The following GPHN variants were observed in gnomAD, a reference collection of about 807,000 sequenced individuals.
GPHN encodes the protein gephyrin.
A neutral mutation model predicts 95.5 loss-of-function variants in GPHN; 17 were observed. The ratio of observed to expected loss-of-function variants is 0.18; its 90% CI spans 0.12 to 0.27. The LOEUF (loss-of-function observed/expected upper bound fraction) is 0.27, where lower values mean the gene tolerates loss of function less well. Ranked by LOEUF, GPHN falls within the 10% of genes least tolerant of loss-of-function variation. GPHN has a pLI of 1.00. For synonymous variants in GPHN, 320 were observed against 322.5 expected (o/e 0.99, Z 0.08); for missense variants, 660 against 978.1 (o/e 0.67, Z 4.34).
At chr14:67,697,853 A>G in the GPHN span, among the ~76,000 whole-genome samples, 1 of 152,262 alleles carries the variant, frequency 6.6e-6, no homozygotes. Context: ...TGTAAGCTCC[A>G]CACTCAGAGT....
chr14:66,576,605 A>G (rs1474922352), intron 1 of GPHN, among the ~76,000 whole-genome samples: 1 of 152,140 alleles, frequency 6.6e-6, no homozygotes, highest in Non-Finnish European at 1.5e-5. Context: ...TTAAAAATTT[A>G]TGGCAAGCAT....
the GPHN span, among the ~76,000 whole-genome samples, chr14:67,502,246 AC>A: frequency 8.6e-5 from 13 of 151,652 alleles, no homozygotes; most frequent in African/African-American, 2.9e-4. Flanking sequence ...CAGGAGAATC[AC>A]TTGAACCTGG....
At chr14:66,726,061 G>C (rs1378441857) in intron 2 of GPHN, among the ~76,000 whole-genome samples, 1 of 152,280 alleles carries the variant, frequency 6.6e-6, no homozygotes, top group East Asian at 1.9e-4. Context: ...TTGACTGAAA[G>C]AAATATAAGT....
the GPHN span, chr14:67,395,577 T>G: frequency 3.7e-6 from 6 of 1,613,980 alleles, no homozygotes; most frequent in Non-Finnish European, 5.1e-6. Flanking sequence ...TTCAGCTTAA[T>G]GAGGAGCTGT....
chr14:66,952,346 A>G (rs952998028), intron 8 of GPHN, among the ~76,000 whole-genome samples: 1 of 148,980 alleles, frequency 6.7e-6, no homozygotes, highest in African/African-American at 2.6e-5. Context: ...AAGGTTATCC[A>G]TGTTGTAGCA....
chr14:67,408,419 G>C, the GPHN span, among the ~76,000 whole-genome samples: 1 of 152,076 alleles, frequency 6.6e-6, no homozygotes, highest in African/African-American at 2.4e-5. Flanking sequence ...CCCCAAAAAA[G>C]ATACACTGAA....
At chr14:67,560,496 A>G in the GPHN span, among the ~76,000 whole-genome samples, 1 of 152,168 alleles carries the variant, frequency 6.6e-6, no homozygotes, top group African/African-American at 2.4e-5. Flanking sequence ...TCCAAACAGA[A>G]ACTCTGTACC....
intron 4 of GPHN, among the ~76,000 whole-genome samples, chr14:66,836,457 G>T (rs1390986859): frequency 6.9e-6 from 1 of 145,074 alleles, no homozygotes; most frequent in Non-Finnish European, 1.5e-5. Context: ...ATGGATTAAA[G>T]ACTTAAATGT....
the GPHN span, among the ~76,000 whole-genome samples, chr14:67,350,951 A>G: frequency 6.6e-6 from 1 of 152,238 alleles, no homozygotes; most frequent in South Asian, 2.1e-4. Context: ...TGAAGGACCT[A>G]TATTATTCCT....
At chr14:67,219,698 C>G in the GPHN span, among the ~76,000 whole-genome samples, 2,785 of 152,180 alleles carry the variant, frequency 0.018, 93 homozygotes, top group African/African-American at 0.062. Flanking sequence ...TAGCAAAAAT[C>G]ATAGAATTTT....
chr14:66,517,091 G>T (rs1298664811), intron 1 of GPHN, among the ~76,000 whole-genome samples: 1 of 121,036 alleles, frequency 8.3e-6, no homozygotes. Context: ...CTGTGCCACT[G>T]TACTCCAGCC....
intron 2 of GPHN, among the ~76,000 whole-genome samples, chr14:66,722,798 A>G (rs377730468): frequency 2.6e-5 from 4 of 152,290 alleles, no homozygotes; most frequent in East Asian, 1.9e-4. Context: ...AATCTGTCCA[A>G]TCTTAGCCAA....
the GPHN span, among the ~76,000 whole-genome samples, chr14:67,449,024 A>G: frequency 1.3e-5 from 2 of 152,176 alleles, no homozygotes; most frequent in African/African-American, 4.8e-5. Context: ...TTGTAGCCCA[A>G]CTTCAGGAGG....
the GPHN span, chr14:67,647,259 A>G: frequency 1.6e-5 from 7 of 431,302 alleles, no homozygotes; most frequent in East Asian, 2.7e-4. Context: ...ATTTTTCTTT[A>G]TCTCCATCTT....
At chr14:67,523,676 C>T in the GPHN span, among the ~76,000 whole-genome samples, 2 of 152,244 alleles carry the variant, frequency 1.3e-5, no homozygotes, top group African/African-American at 2.4e-5. Context: ...AGGTTAAACT[C>T]TGGCTTTGGC....
At chr14:66,867,338 A>C (rs1414903735) in intron 4 of GPHN, among the ~76,000 whole-genome samples, 1 of 152,196 alleles carries the variant, frequency 6.6e-6, no homozygotes, top group Non-Finnish European at 1.5e-5. Flanking sequence ...TTGTAACTAA[A>C]ATAAAAATAA....
the GPHN span, among the ~76,000 whole-genome samples, chr14:67,663,674 AAAATAAAT>A: frequency 6.6e-6 from 1 of 152,186 alleles, no homozygotes; most frequent in African/African-American, 2.4e-5. Context: ...ACTCCATTTC[AAAATAAAT>A]AAATAAATAA....
the GPHN span, chr14:67,577,525 G>T: frequency 1.4e-6 from 1 of 708,862 alleles, no homozygotes; most frequent in South Asian, 1.6e-5. Context: ...GGAAGGGAAG[G>T]AAACTTCCCA....
At chr14:66,840,827 G>T (rs2062045658) in intron 4 of GPHN, among the ~76,000 whole-genome samples, 1 of 150,366 alleles carries the variant, frequency 6.7e-6, no homozygotes, top group African/African-American at 2.5e-5. Flanking sequence ...CTATTCTATA[G>T]TACACTGGCG....
Sources: allele counts gnomAD v4.1 joint callset (sites outside exome capture counted in the v4.1 genomes callset), GRCh38; gene constraint gnomAD v4.1.1; transcripts MANE v1.5; gene names NCBI Gene and HGNC (gene_info 2026-07-23, HGNC 2026-07-21).